The following PRKCA variants were observed in gnomAD, a reference collection of about 807,000 sequenced individuals.
PRKCA encodes protein kinase C alpha type.
Under a neutral mutation model 87.0 loss-of-function variants are expected in PRKCA, and 27 were observed. The ratio of observed to expected loss-of-function variants is 0.31; its 90% CI spans 0.23 to 0.43. PRKCA has a LOEUF of 0.43. PRKCA is among the 20% of genes least tolerant of loss of function. The pLI, the probability that PRKCA is intolerant of heterozygous loss-of-function variation, is 1.00. For synonymous variants in PRKCA, 329 were observed against 311.1 expected, an observed-to-expected ratio of 1.06 and a Z score of -0.61; for missense variants, 518 against 852.3, an observed-to-expected ratio of 0.61 and a Z score of 4.88.
chr17:66,317,010 C>T lies in PRKCA; in HGVS notation c.205+10883C>T, dbSNP rs1905355121. ...ACAAAAAATTAGCTGGGCGCGGTGG[C>T]GGGCGCCTGTAGTCCCAGCTACTCG... On this transcript the variant is annotated intron_variant, in intron 2 of 16. Transcript: ENST00000413366. Among the ~76,000 whole-genome samples the T allele has an allele frequency of 1.3e-5, 2 of 151,840 alleles. 1 individual carries two copies. The highest frequency in any genetic ancestry group is 4.2e-4 in the South Asian group (2 of 4,784).
At chr17:66,711,770 C>T (rs998695471) in intron 8 of PRKCA, among the ~76,000 whole-genome samples, 3 of 152,140 alleles carry the variant, frequency 2.0e-5, no homozygotes, top group African/African-American at 7.2e-5. Flanking sequence ...ATCTAATGCT[C>T]TCTCAAAAAC....
intron 2 of PRKCA, among the ~76,000 whole-genome samples, chr17:66,323,982 T>G (rs958677755): frequency 1.3e-5 from 2 of 152,064 alleles, no homozygotes; most frequent in Non-Finnish European, 2.9e-5. Flanking sequence ...CATTTACTTG[T>G]CTAAACTTCA....
chr17:66,477,868 T>C (rs1915600168), intron 2 of PRKCA, among the ~76,000 whole-genome samples: 1 of 152,220 alleles, frequency 6.6e-6, no homozygotes, highest in Admixed American at 6.5e-5. Context: ...TAGCAGTTAC[T>C]CCCCATTCTC....
At chr17:66,402,413 A>ATTT (rs1911088274) in intron 2 of PRKCA, among the ~76,000 whole-genome samples, 2 of 111,958 alleles carry the variant, frequency 1.8e-5, no homozygotes, top group South Asian at 6.8e-4. Flanking sequence ...GAGGCCAAGA[A>ATTT]ATTTTTTTTT....
intron 5 of PRKCA, among the ~76,000 whole-genome samples, chr17:66,650,853 T>TA (rs771060802): frequency 2.3e-4 from 35 of 152,242 alleles, no homozygotes; most frequent in Non-Finnish European, 2.2e-4. Flanking sequence ...CTTTGTATGA[T>TA]AATCGTTCAT....
At chr17:66,613,359 G>A (rs995240817) in intron 3 of PRKCA, among the ~76,000 whole-genome samples, 2 of 152,222 alleles carry the variant, frequency 1.3e-5, no homozygotes, top group African/African-American at 4.8e-5. Flanking sequence ...CACAGAAGTG[G>A]ATCTCAGCAT....
intron 3 of PRKCA, chr17:66,638,355 G>C (rs1406028502): frequency 6.6e-6 from 1 of 151,918 alleles, no homozygotes; most frequent in Non-Finnish European, 1.5e-5. Flanking sequence ...GTGCAAATAT[G>C]TGAACTGTTT....
intron 5 of PRKCA, among the ~76,000 whole-genome samples, chr17:66,668,177 C>A (rs1262373832): frequency 6.6e-6 from 1 of 152,168 alleles, no homozygotes; most frequent in Non-Finnish European, 1.5e-5. Context: ...GGGAGGCACT[C>A]CTTTGCTATG....
chr17:66,521,245 C>T (rs1160378507), intron 3 of PRKCA, among the ~76,000 whole-genome samples: 2 of 152,132 alleles, frequency 1.3e-5, no homozygotes, highest in African/African-American at 2.4e-5. Flanking sequence ...ATTGCTAACT[C>T]ATGTTTTTAT....
At chr17:66,670,855 C>G (rs1240917892) in intron 5 of PRKCA, among the ~76,000 whole-genome samples, 7 of 151,730 alleles carry the variant, frequency 4.6e-5, no homozygotes, top group African/African-American at 9.7e-5. Context: ...GAGTGAGACT[C>G]TATCTCAAAA....
At chr17:66,589,780 G>A (rs1257248629) in intron 3 of PRKCA, among the ~76,000 whole-genome samples, 1 of 152,166 alleles carries the variant, frequency 6.6e-6, no homozygotes. Flanking sequence ...ATGGTCTAGG[G>A]CAGCAGTCTT....
chr17:66,568,071 T>C (rs1337764159), intron 3 of PRKCA, among the ~76,000 whole-genome samples: 2 of 152,140 alleles, frequency 1.3e-5, no homozygotes, highest in Non-Finnish European at 2.9e-5. Context: ...TCCCAGAACT[T>C]TGGGAGGCTG....
chr17:66,496,141 A>G, intron 2 of PRKCA, 60 bp from the exon 3 acceptor site: 1 of 1,359,642 alleles, frequency 7.4e-7, no homozygotes, highest in Non-Finnish European at 1.0e-6. Flanking sequence ...CTGTTTGGAA[A>G]ATAAAGCTCG....
At chr17:66,344,839 C>T (rs1362494798) in intron 2 of PRKCA, among the ~76,000 whole-genome samples, 1 of 152,194 alleles carries the variant, frequency 6.6e-6, no homozygotes, top group Non-Finnish European at 1.5e-5. Context: ...GATCTCGGCT[C>T]ACTGCAACTT....
intron 2 of PRKCA, among the ~76,000 whole-genome samples, chr17:66,446,657 G>A (rs575322351): frequency 6.6e-6 from 1 of 152,254 alleles, no homozygotes; most frequent in African/African-American, 2.4e-5. Flanking sequence ...GATGAGAGGG[G>A]CCTGCACACT....
intron 2 of PRKCA, among the ~76,000 whole-genome samples, chr17:66,411,327 G>A (rs1020191250): frequency 6.6e-6 from 1 of 151,242 alleles, no homozygotes. Flanking sequence ...CTGCCAAAGT[G>A]CTGGGATTAC....
intron 2 of PRKCA, among the ~76,000 whole-genome samples, chr17:66,360,393 C>T (rs1420099093): frequency 5.9e-5 from 9 of 152,156 alleles, no homozygotes; most frequent in African/African-American, 1.2e-4. Context: ...AGCTGCTCCA[C>T]GAGAAAAATA....
chr17:66,784,141 C>T (rs907005656), intron 14 of PRKCA, among the ~76,000 whole-genome samples: 1 of 152,330 alleles, frequency 6.6e-6, no homozygotes. Context: ...AGAGCCTCTG[C>T]CCCGCTCCCT....
chr17:66,635,280 A>G (rs140747600), intron 3 of PRKCA, among the ~76,000 whole-genome samples: 46 of 152,256 alleles, frequency 3.0e-4, no homozygotes, highest in African/African-American at 1.1e-3. Flanking sequence ...TGAATTTGGT[A>G]GCTATCAGGA....
Sources: allele counts gnomAD v4.1 joint callset (sites outside exome capture counted in the v4.1 genomes callset), GRCh38; gene constraint gnomAD v4.1.1; transcripts MANE v1.5; gene names NCBI Gene and HGNC (gene_info 2026-07-23, HGNC 2026-07-21).